MFSD1: variants seen among roughly 807,000 people sequenced by gnomAD.
MFSD1 encodes the protein lysosomal dipeptide transporter MFSD1.
Under a neutral mutation model 67.1 loss-of-function variants are expected in MFSD1, and 59 were observed. That is an observed-to-expected ratio of 0.88 (90% CI 0.71 to 1.09). The LOEUF (loss-of-function observed/expected upper bound fraction) is 1.09. Among genes scored for constraint, MFSD1 ranks in the 50% least tolerant of loss-of-function variants. The pLI is 0.00. For synonymous variants in MFSD1, 213 were observed against 200.3 expected, an observed-to-expected ratio of 1.06 and a Z score of -0.54; for missense variants, 552 against 566.1, an observed-to-expected ratio of 0.97 and a Z score of 0.25.
At chr3:158,806,091 G>A (rs1729712019) in intron 3 of MFSD1, among the ~76,000 whole-genome samples, 1 of 152,108 alleles carries the variant, frequency 6.6e-6, no homozygotes, top group Admixed American at 6.5e-5. Flanking sequence ...TATAGACTGG[G>A]AATATTTTCA....
intron 7 of MFSD1, among the ~76,000 whole-genome samples, chr3:158,814,971 AC>A (rs1270015244): frequency 6.6e-6 from 1 of 152,062 alleles, no homozygotes; most frequent in Non-Finnish European, 1.5e-5. Flanking sequence ...AATCCCAGCT[AC>A]CCGGGAGGCT....
At chr3:158,811,242 A>G (rs1476240109) in intron 6 of MFSD1, among the ~76,000 whole-genome samples, 2 of 152,214 alleles carry the variant, frequency 1.3e-5, no homozygotes, top group African/African-American at 4.8e-5. Flanking sequence ...GCTGTAACCT[A>G]GCTCTTGATA....
At chr3:158,813,576 A>G (rs759053856) in intron 6 of MFSD1, among the ~76,000 whole-genome samples, 2 of 152,196 alleles carry the variant, frequency 1.3e-5, no homozygotes, top group Non-Finnish European at 2.9e-5. Flanking sequence ...CTCTTTATGG[A>G]CATTCAGAGG....
In MFSD1 at chr3:158,809,692, C is replaced by T. The variant is rs116584211; in HGVS notation, c.549+405C>T. On this transcript the variant is annotated intron_variant, in intron 6 of 15. Coordinates refer to ENST00000415822, the MANE Select transcript of MFSD1 (RefSeq NM_022736.4). The stretch of plus-strand genomic sequence containing the variant: ...ACCTACCTTAATGAACTTTATGAAG[C>T]GTAACCTCACATAGCGATGAAACCT... Among the ~76,000 whole-genome samples the T allele has an allele frequency of 1.3e-3, 193 of 152,268 alleles. 1 individual carries two copies. The highest frequency in any genetic ancestry group is 3.4e-3 in the Middle Eastern group (1 of 294).
Position 158,814,066 on chromosome 3 carries a change from T to G in MFSD1, c.651T>G (p.Ile217Met), listed in dbSNP as rs760176561. The G allele has an allele frequency of 6.2e-7, 1 of 1,610,242 alleles. No individual in the cohort carries two copies. Among genetic ancestry groups the G allele is most frequent in the South Asian group, 1.1e-5 (1 of 90,980 alleles). ...GHTTLGITLMIGGITCILSLI... is the reference protein window; with the variant it reads ...GHTTLGITLMMGGITCILSLI... ...CAACCCTCGGGATCACACTTATGAT[T>G]GGTGAGTGAATCCCATGTCCCACAT... The change falls in exon 7 of 16, where the codon ATT becomes ATG. Residue 217 changes from isoleucine to methionine, a missense_variant and splice_region_variant. Physicochemically the swap from Ile to Met is conservative, Grantham distance 10. Coordinates refer to ENST00000415822, the MANE Select transcript of MFSD1 (RefSeq NM_022736.4).
At chr3:158,823,236 G>C in intron 11 of MFSD1, 192 bp from the exon 12 acceptor site, 1 of 569,216 alleles carries the variant, frequency 1.8e-6, no homozygotes. Flanking sequence ...CATGTATCTT[G>C]TCGCTAAAAG....
At chr3:158,814,390 G>A (rs536273145) in intron 7 of MFSD1, among the ~76,000 whole-genome samples, 3 of 152,072 alleles carry the variant, frequency 2.0e-5, no homozygotes, top group East Asian at 3.9e-4. Flanking sequence ...GCGCGATCTC[G>A]GCTCACTGCA....
chr3:158,824,408 T>A, intron 13 of MFSD1, 172 bp downstream of exon 13: 1 of 600,510 alleles, frequency 1.7e-6, no homozygotes, highest in Non-Finnish European at 3.0e-6. Flanking sequence ...AGGAGATTCC[T>A]ATCCTTAAAG....
chr3:158,826,689 A>G (rs549415200), intron 14 of MFSD1, among the ~76,000 whole-genome samples: 1 of 140,256 alleles, frequency 7.1e-6, no homozygotes, highest in Non-Finnish European at 1.5e-5. Context: ...TTTTTCTTTG[A>G]CAGAGTCTCA....
chr3:158,813,875 C>T, intron 6 of MFSD1, 90 bp from the exon 7 acceptor site: 1 of 741,008 alleles, frequency 1.3e-6, no homozygotes, highest in Non-Finnish European at 2.0e-6. Flanking sequence ...TTGGATCCTA[C>T]TTCTGAGCCA....
chr3:158,804,413 A>C, intron 2 of MFSD1, 42 bp downstream of exon 2: 1 of 1,542,548 alleles, frequency 6.5e-7, no homozygotes, highest in Non-Finnish European at 8.9e-7. Context: ...TTTTCTTTAG[A>C]GCAAGTGTAG....
chr3:158,827,844 C>G lies in MFSD1; in HGVS notation c.1394+507C>G, dbSNP rs1358257400. On this transcript the variant is annotated intron_variant, in intron 15 of 15. Transcript: ENST00000415822. ...TAAAAATGGATATTAAGGCTTGAAA[C>G]GAAGAAAAAAAATAATTCAATTTAA... 2.8e-5 allele frequency among the ~76,000 whole-genome samples: 4 copies of G among 145,172 alleles called. No individual in the cohort carries two copies. The East Asian group carries it at 8.1e-4, about 30-fold the overall frequency.
intron 6 of MFSD1, among the ~76,000 whole-genome samples, chr3:158,813,730 T>G (rs988293473): frequency 1.7e-4 from 26 of 151,972 alleles, no homozygotes; most frequent in African/African-American, 6.3e-4. Flanking sequence ...TGTATTATGT[T>G]ATTTTTTTAT....
chr3:158,822,239 C>CTAT, intron 11 of MFSD1, 99 bp downstream of exon 11: 1 of 1,113,034 alleles, frequency 9.0e-7, no homozygotes, highest in Non-Finnish European at 1.3e-6. Context: ...ATGACAAGGC[C>CTAT]TATGATAGTG....
Position 158,824,217 on chromosome 3 carries a change from C to T in MFSD1, c.1269C>T (p.Phe423=), listed in dbSNP as rs146464529. The change falls in exon 13 of 16, where the codon TTC becomes TTT. Residue 423 remains phenylalanine (F), a synonymous_variant. Coordinates refer to ENST00000415822, the MANE Select transcript of MFSD1 (RefSeq NM_022736.4). The part of the protein sequence containing the change: ...DSRGYLFLEV[F]FIACVSLSLL... ...GGGGGTATTTGTTTTTGGAAGTGTT[C>T]TTCATTGCCTGTGTTTCTTGTGAGT... The T allele has an allele frequency of 8.1e-5, 130 of 1,608,772 alleles. No individual in the cohort carries two copies. The highest frequency in any genetic ancestry group is 9.9e-5 in the South Asian group (9 of 90,890).
At position 158,822,010 on chromosome 3, in the gene MFSD1, T is replaced by A. The variant is rs148701924; in HGVS notation, c.947T>A (p.Met316Lys). 5,737 of 1,613,888 alleles carry A rather than the reference T, an allele frequency of 3.6e-3. 30 individuals carry two copies. The highest frequency in any genetic ancestry group is 3.2e-3 in the Non-Finnish European group (3,807 of 1,179,826). The stretch of plus-strand genomic sequence containing the variant: ...GTTGTATATGTCATATCAGCTCCCA[T>A]GTCCCCGGTGTTTGGGCTCCTGGTG... ...NSVVYVISAP[M>K]SPVFGLLVDK... is the part of the protein sequence containing the mutation. Residue 316 changes from methionine (M) to lysine (K), a missense_variant, in exon 11 of 16, where the codon ATG becomes AAG. Coordinates refer to ENST00000415822, the MANE Select transcript of MFSD1 (RefSeq NM_022736.4).
intron 3 of MFSD1, 84 bp from the exon 4 acceptor site, chr3:158,806,956 G>T: frequency 8.7e-7 from 1 of 1,155,214 alleles, no homozygotes; most frequent in Non-Finnish European, 1.2e-6. Context: ...AGGACTTTGT[G>T]ATTACTAATA....
rs766814762 is a variant in MFSD1, at chr3:158,802,206, G to A, written c.54G>A (p.Glu18=). 7 of 1,610,872 alleles carry A rather than the reference G, an allele frequency of 4.3e-6. No individual in the cohort carries two copies. The highest frequency in any genetic ancestry group is 3.3e-5 in the South Asian group (3 of 90,786). ...CGCTCCTGGCAGGCGGCCCTGACGAGGCCGACAGAGGTGCCCCGGCCGCCC... is the reference window on the plus strand; with the variant it reads ...CGCTCCTGGCAGGCGGCCCTGACGAAGCCGACAGAGGTGCCCCGGCCGCCC... The part of the protein sequence containing the change: ...ARALLAGGPD[E]ADRGAPAAPG... Residue 18 remains glutamate, a synonymous_variant, in exon 1 of 16, where the codon GAG becomes GAA. Transcript: ENST00000415822.
At chr3:158,807,154 C>T in intron 4 of MFSD1, 72 bp downstream of exon 4, 1 of 1,395,992 alleles carries the variant, frequency 7.2e-7, no homozygotes, top group South Asian at 1.2e-5. Flanking sequence ...ATTCCATTGG[C>T]AAAGCTGTGT....
Sources: gnomAD v4.1 joint callset for allele counts (sites outside exome capture counted in the v4.1 genomes callset) on GRCh38, gnomAD v4.1.1 for gene constraint, MANE v1.5 for transcripts, NCBI Gene and HGNC (gene_info 2026-07-23, HGNC 2026-07-21) for gene names.